The following TIRAP variants were observed in gnomAD, a reference collection of about 807,000 sequenced individuals.
TIRAP encodes the protein toll/interleukin-1 receptor domain-containing adapter protein.
TIRAP carries 20 observed loss-of-function variants against 19.8 expected under a neutral mutation model. That is an observed-to-expected ratio of 1.01 (90% CI 0.71 to 1.47). The LOEUF is 1.47. Ranked by LOEUF, TIRAP falls within the 40% of genes most tolerant of loss-of-function variation. TIRAP has a pLI of 0.00. For missense variants in TIRAP, 276 were observed against 285.1 expected (o/e 0.97, Z 0.23); for synonymous variants, 125 against 121.7 (o/e 1.03, Z -0.18).
rs963634965 is a variant in TIRAP at position 126,290,371 on chromosome 11, G to C, written c.-216-91G>C. ...GAGGAAAAGTCTCCCAAGATTTCCTGCATGTGCTCTCTCTCTACTGTTCAG... is the reference window on the plus strand; with the variant it reads ...GAGGAAAAGTCTCCCAAGATTTCCTCCATGTGCTCTCTCTCTACTGTTCAG... On this transcript the variant is annotated intron_variant, in intron 1 of 4. Coordinates refer to ENST00000392679, the MANE Select transcript of TIRAP (RefSeq NM_001318777.2). This position sits in a 1 kb window ranked among gnomAD's most constrained non-coding sequence, Gnocchi z 4.9. 4.3e-6 allele frequency: 4 copies of C among 936,660 alleles called. No individual in the cohort carries two copies. The highest frequency in any genetic ancestry group is 3.8e-6 in the Non-Finnish European group (3 of 785,482). 58.0% of individuals were successfully genotyped at this position (936,660 alleles called of 1,614,324 possible). A position where few individuals can be genotyped will look rare whatever the true frequency, so the allele number is the denominator to read the frequency against.
At chr11:126,289,822 G>A in intron 1 of TIRAP, 1 of 985,352 alleles carries the variant, frequency 1.0e-6, no homozygotes, top group Non-Finnish European at 1.2e-6. Flanking sequence ...ACTACGGTGG[G>A]AAAAGAACAT....
At chr11:126,289,522 G>A (rs529873587) in intron 1 of TIRAP, 21 of 383,522 alleles carry the variant, frequency 5.5e-5, no homozygotes, top group African/African-American at 2.2e-4. Flanking sequence ...CAGGTGATCC[G>A]CCGCCTTGGC....
chr11:126,283,948 A>G (rs8177352), intron 1 of TIRAP, among the ~76,000 whole-genome samples: 25,979 of 151,960 alleles, frequency 0.17, 2,532 homozygotes, highest in Admixed American at 0.24. Flanking sequence ...TCAATAAAAC[A>G]TGACTACATC....
rs564530372 is a variant in TIRAP at position 126,291,322 on chromosome 11, A to G, written c.67+361A>G. ...AGAGAGAGAAAATGAATCAATCCCC[A>G]CCACAACTATCTGTCCTTATCAAAG... On this transcript the variant is annotated intron_variant, in intron 3 of 4. Coordinates refer to ENST00000392679, the MANE Select transcript of TIRAP (RefSeq NM_001318777.2). The surrounding 1 kb of genome is among the most constrained non-coding windows in gnomAD (Gnocchi z 5.6). The G allele has an allele frequency of 4.3e-5, 29 of 679,450 alleles. No individual in the cohort carries two copies. In the African/African-American group the frequency reaches 5.0e-4, roughly 12 times the overall value. 42.1% of individuals were successfully genotyped at this position (679,450 alleles called of 1,614,324 possible). A position where few individuals can be genotyped will look rare whatever the true frequency, so the allele number is the denominator to read the frequency against.
rs1248546826 is a variant in TIRAP, at chr11:126,294,145, A to G, written c.*458A>G. The G allele has an allele frequency of 4.1e-6, 1 of 245,416 alleles. No homozygotes were observed. Among genetic ancestry groups the G allele is most frequent in the East Asian group, 1.0e-4 (1 of 9,596 alleles). The allele number at this position is 245,416 out of a possible 1,614,324, so 15.2% of individuals were successfully genotyped here. A position where few individuals can be genotyped will look rare whatever the true frequency, so the allele number is the denominator to read the frequency against. On this transcript the variant is annotated 3_prime_UTR_variant, in exon 5 of 5. Transcript: ENST00000392679. ...TGACTCACCTGACTGATCAGCAAGA[A>G]GCCTAGATTGCAGGCCTCACCATGG...
At position 126,291,679 on chromosome 11, in the gene TIRAP, C is replaced by T. The variant is rs1055494719; in HGVS notation, c.67+718C>T. ...TTGGGGCCAAACAGATGCCAGTCCT[C>T]CGTACCCCTTCCTTCCTGTATACGT... On this transcript the variant is annotated intron_variant, in intron 3 of 4. Coordinates refer to ENST00000392679, the MANE Select transcript of TIRAP (RefSeq NM_001318777.2). The surrounding 1 kb of genome is among the most constrained non-coding windows in gnomAD (Gnocchi z 5.6). 1 of 390,382 alleles carries T rather than the reference C, an allele frequency of 2.6e-6. No individual in the cohort carries two copies. The highest frequency in any genetic ancestry group is 5.2e-6 in the Non-Finnish European group (1 of 193,712). 24.2% of individuals were successfully genotyped at this position (390,382 alleles called of 1,614,324 possible). A position where few individuals can be genotyped will look rare whatever the true frequency, so the allele number is the denominator to read the frequency against.
chr11:126,289,544 C>G (rs1362641250), intron 1 of TIRAP: 1 of 656,828 alleles, frequency 1.5e-6, no homozygotes, highest in African/African-American at 2.0e-5. Flanking sequence ...TCCCAAAATG[C>G]TAGGATTACA....
In TIRAP at chr11:126,291,778, A is replaced by T. The variant is rs949838511; in HGVS notation, c.68-699A>T. On this transcript the variant is annotated intron_variant, in intron 3 of 4. Coordinates refer to ENST00000392679, the MANE Select transcript of TIRAP (RefSeq NM_001318777.2). The surrounding 1 kb of genome is among the most constrained non-coding windows in gnomAD (Gnocchi z 5.6). Reference sequence around the variant, plus strand: ...TTGGGACTGATGGATCCTTGCTAGCATAACGTAGCTCTGCCTGCAGACTCC... The same window carrying T: ...TTGGGACTGATGGATCCTTGCTAGCTTAACGTAGCTCTGCCTGCAGACTCC... 7.3e-5 allele frequency among the ~76,000 whole-genome samples: 11 copies of T among 151,606 alleles called. No homozygotes were observed. Among genetic ancestry groups the T allele is most frequent in the Admixed American group, 1.3e-4 (2 of 15,220 alleles).
intron 1 of TIRAP, among the ~76,000 whole-genome samples, chr11:126,286,648 T>C (rs1378628370): frequency 6.6e-6 from 1 of 152,230 alleles, no homozygotes; most frequent in African/African-American, 2.4e-5. Flanking sequence ...ATTTATTTAT[T>C]TAAAGATGTA....
At position 126,292,487 on chromosome 11, in the gene TIRAP, G is replaced by A. The variant is rs746511505; in HGVS notation, c.78G>A (p.Arg26=). The stretch of plus-strand genomic sequence containing the variant: ...GTTTCTCCCCCACAGACTGGTTCAG[G>A]CAGACCCTGCTGAAGAAGCCCAAGA... ...KPLGKMADWF[R]QTLLKKPKKR... Residue 26 remains arginine (R), a synonymous_variant, in exon 4 of 5, where the codon AGG becomes AGA. Coordinates refer to ENST00000392679, the MANE Select transcript of TIRAP (RefSeq NM_001318777.2). 1 of 1,613,626 alleles carries A rather than the reference G, an allele frequency of 6.2e-7. No homozygotes were observed.
chr11:126,291,284 G>A lies in TIRAP; in HGVS notation c.67+323G>A. 1 of 565,480 alleles carries A rather than the reference G, an allele frequency of 1.8e-6. No individual in the cohort carries two copies. Among genetic ancestry groups the A allele is most frequent in the Non-Finnish European group, 3.0e-6 (1 of 329,148 alleles). 35.0% of individuals were successfully genotyped at this position (565,480 alleles called of 1,614,324 possible). ...AATCTTTGTTCCAGAACCATTTAGAGGAGAAGCCAAGCAGAGAGAGAAAAT... is the reference window on the plus strand; with the variant it reads ...AATCTTTGTTCCAGAACCATTTAGAAGAGAAGCCAAGCAGAGAGAGAAAAT... On this transcript the variant is annotated intron_variant, in intron 3 of 4. Transcript: ENST00000392679. The surrounding 1 kb of genome is among the most constrained non-coding windows in gnomAD (Gnocchi z 5.6).
At position 126,292,803 on chromosome 11, in the gene TIRAP, G is replaced by A. The variant is rs147530219; in HGVS notation, c.394G>A (p.Glu132Lys). ...DATPGGAIVS[E>K]LCQALSSSHC... Reference sequence around the variant, plus strand: ...AACCCCAGGCGGCGCTATAGTGTCCGAGCTGTGCCAGGCACTGAGCAGTAG... The same window carrying A: ...AACCCCAGGCGGCGCTATAGTGTCCAAGCTGTGCCAGGCACTGAGCAGTAG... Residue 132 changes from glutamate to lysine, a missense_variant, in exon 4 of 5, where the codon GAG becomes AAG. Coordinates refer to ENST00000392679, the MANE Select transcript of TIRAP (RefSeq NM_001318777.2). 252 of 1,612,774 alleles carry A rather than the reference G, an allele frequency of 1.6e-4. 1 individual carries two copies. In the East Asian group the frequency reaches 5.0e-3, roughly 32 times the overall value.
chr11:126,293,253 C>T (rs1400072597), intron 4 of TIRAP, 198 bp downstream of exon 4: 3 of 977,050 alleles, frequency 3.1e-6, no homozygotes, highest in Non-Finnish European at 4.7e-6. Context: ...CGCTCTGTGC[C>T]TTGGTTTCCT....
At position 126,293,052 on chromosome 11, in the gene TIRAP, C is replaced by G. The variant is rs529133625; in HGVS notation, c.643C>G (p.Arg215Gly). The change falls in exon 4 of 5, where the codon CGT becomes GGT. Residue 215 changes from arginine to glycine, a missense_variant. By Grantham distance (125) the Arg-to-Gly change is moderately radical. Coordinates refer to ENST00000392679, the MANE Select transcript of TIRAP (RefSeq NM_001318777.2). ...GFRQVKEAVM[R>G]YLQTLS ...TCGTCAAGTCAAAGAAGCTGTCATG[C>G]GTTGTAAGCTACTACAGGAGGGAGA... 1.9e-6 allele frequency: 3 copies of G among 1,614,000 alleles called. No individual in the cohort carries two copies. Among genetic ancestry groups the G allele is most frequent in the South Asian group, 2.2e-5 (2 of 91,094 alleles).
chr11:126,286,590 A>C (rs1376282154), intron 1 of TIRAP, among the ~76,000 whole-genome samples: 2 of 152,260 alleles, frequency 1.3e-5, no homozygotes, highest in African/African-American at 4.8e-5. Flanking sequence ...CTTTGAAACC[A>C]AAATTCTTTT....
In TIRAP at chr11:126,293,779, G is replaced by C; in HGVS notation, c.*92G>C. Reference sequence around the variant, plus strand: ...TCGGATTCCCACAAATGTGACAAGAGGTATAGGGAGTGAGTCACAGCGCTT... The same window carrying C: ...TCGGATTCCCACAAATGTGACAAGACGTATAGGGAGTGAGTCACAGCGCTT... On this transcript the variant is annotated 3_prime_UTR_variant, in exon 5 of 5. Transcript: ENST00000392679. 7.0e-7 allele frequency: 1 copy of C among 1,438,318 alleles called. No individual in the cohort carries two copies. Among genetic ancestry groups the C allele is most frequent in the Non-Finnish European group, 9.8e-7 (1 of 1,020,030 alleles). 89.1% of individuals were successfully genotyped at this position (1,438,318 alleles called of 1,614,324 possible).
rs559269340 is a variant in TIRAP, at chr11:126,287,206, A to G, written c.-216-3256A>G. On this transcript the variant is annotated intron_variant, in intron 1 of 4. Transcript: ENST00000392679. The surrounding 1 kb of genome is among the most constrained non-coding windows in gnomAD (Gnocchi z 4.2). ...GATTCCTGCTTAACAGAAATCGAAT[A>G]TGAACTCTAAGAGATACATATTCTA... is the stretch of plus-strand genomic sequence containing the variant. Among the ~76,000 whole-genome samples the G allele has an allele frequency of 6.6e-6, 1 of 152,346 alleles. No homozygotes were observed. The highest frequency in any genetic ancestry group is 2.4e-5 in the African/African-American group (1 of 41,578).
Position 126,290,717 on chromosome 11 carries a change from G to T in TIRAP, c.-92-86G>T. 7.2e-7 allele frequency: 1 copy of T among 1,386,620 alleles called. No homozygotes were observed. The allele number at this position is 1,386,620 out of a possible 1,614,324, so 85.9% of individuals were successfully genotyped here. On this transcript the variant is annotated intron_variant, in intron 2 of 4. Transcript: ENST00000392679. The surrounding 1 kb of genome is among the most constrained non-coding windows in gnomAD (Gnocchi z 4.9). ...GAAGCCTCTGTCAGGCATTAGGAGA[G>T]AAACAGAACTTCGCAGAGCTCATCC...
In TIRAP at chr11:126,292,866, C is replaced by T. The variant is rs756386841; in HGVS notation, c.457C>T (p.Gln153Ter). The change falls in exon 4 of 5, where the codon CAG becomes TAG. Residue 153 changes from glutamine to a stop codon, truncating the protein, a stop_gained. Coordinates refer to ENST00000392679, the MANE Select transcript of TIRAP (RefSeq NM_001318777.2). LOFTEE classifies it high-confidence loss of function. ...RVLLITPGFL[Q>*]DPWCKYQMLQ... ...GCTGCTCATCACGCCGGGCTTCCTT[C>T]AGGACCCCTGGTGCAAGTACCAGAT... 2 of 1,613,268 alleles carry T rather than the reference C, an allele frequency of 1.2e-6. No individual in the cohort carries two copies. Among genetic ancestry groups the T allele is most frequent in the South Asian group, 1.1e-5 (1 of 91,036 alleles).
Sources: allele counts gnomAD v4.1 joint callset (sites outside exome capture counted in the v4.1 genomes callset), GRCh38; gene constraint gnomAD v4.1.1; non-coding constraint Gnocchi (gnomAD v3.1); transcripts MANE v1.5; gene names NCBI Gene and HGNC (gene_info 2026-07-23, HGNC 2026-07-21).